ZNF114: variants seen among roughly 807,000 people sequenced by gnomAD.
ZNF114 encodes the protein zinc finger protein 114 (Y18).
In ZNF114, 8 loss-of-function variants were observed where a neutral mutation model predicts 6.8. That is an observed-to-expected ratio of 1.18 (90% CI 0.69 to 2.13). ZNF114 has a LOEUF of 2.13. Among genes scored for constraint, ZNF114 ranks in the 30% most tolerant of loss-of-function variants. The probability of loss-of-function intolerance (pLI) is 0.00; values close to 1 mark genes in which losing one functional copy is unlikely to be tolerated. For synonymous variants in ZNF114, 169 were observed against 185.5 expected (o/e 0.91, Z 0.72); for missense variants, 472 against 519.5 (o/e 0.91, Z 0.89).
rs926267801 is a variant in ZNF114 at position 48,287,156 on chromosome 19, C to G, written c.*278C>G. The G allele has an allele frequency of 1.7e-5, 4 of 239,196 alleles. No individual in the cohort carries two copies. Among genetic ancestry groups the G allele is most frequent in the African/African-American group, 9.1e-5 (4 of 43,964 alleles). 14.8% of individuals were successfully genotyped at this position (239,196 alleles called of 1,614,324 possible). ...TCAGCGTGGTCTCAAATTCATGGTT[C>G]ATACAAGAACTCACACTGCAGAGAC... On this transcript the variant is annotated 3_prime_UTR_variant, in exon 6 of 6. Transcript: ENST00000595607.
intron 3 of ZNF114, among the ~76,000 whole-genome samples, chr19:48,273,757 C>CTT (rs779316334): frequency 0.018 from 2,226 of 127,082 alleles, 58 homozygotes; most frequent in African/African-American, 0.054. Flanking sequence ...TGGGGCTTTT[C>CTT]TTTTTTTTTT....
chr19:48,287,045 A>G lies in ZNF114; in HGVS notation c.*167A>G. The G allele has an allele frequency of 1.5e-6, 1 of 664,544 alleles. No homozygotes were observed. The highest frequency in any genetic ancestry group is 2.3e-6 in the Non-Finnish European group (1 of 432,170). The allele number at this position is 664,544 out of a possible 1,614,324, so 41.2% of individuals were successfully genotyped here. The stretch of plus-strand genomic sequence containing the variant: ...CCCTGTGAAGGTAAAGTCTACAGAA[A>G]GCCTTTCATCTTCATTCATCTTGAG... On this transcript the variant is annotated 3_prime_UTR_variant, in exon 6 of 6. Transcript: ENST00000595607.
Position 48,286,469 on chromosome 19 carries a change from G to A in ZNF114, c.845G>A (p.Gly282Glu). Residue 282 changes from glycine to glutamate, a missense_variant, in exon 6 of 6, where the codon GGG becomes GAG. Gly to Glu is a moderately conservative substitution (Grantham distance 98). Coordinates refer to ENST00000595607, the MANE Select transcript of ZNF114 (RefSeq NM_153608.4). ...ACAAACAAGAAGGATTGTCAAACTG[G>A]GGCAACCTCTGCCAACGCTCCAAAT... The part of the protein sequence containing the change: ...AETNKKDCQT[G>E]ATSANAPNSG... The A allele has an allele frequency of 1.9e-6, 3 of 1,614,124 alleles. No individual in the cohort carries two copies. Among genetic ancestry groups the A allele is most frequent in the Non-Finnish European group, 1.7e-6 (2 of 1,180,014 alleles).
chr19:48,285,543 A>G (rs10417929), intron 5 of ZNF114, among the ~76,000 whole-genome samples: 1 of 147,076 alleles, frequency 6.8e-6, no homozygotes, highest in Admixed American at 7.0e-5. Flanking sequence ...GAGAGAGGAA[A>G]GAAGGAAGGA....
chr19:48,286,911 G>T lies in ZNF114; in HGVS notation c.*33G>T. The T allele has an allele frequency of 6.5e-7, 1 of 1,532,162 alleles. No homozygotes were observed. The highest frequency in any genetic ancestry group is 1.4e-5 in the South Asian group (1 of 73,898). The allele number at this position is 1,532,162 out of a possible 1,614,324, so 94.9% of individuals were successfully genotyped here. ...GTGGAAAATTTTTCATTAATTTTCTGACTGTACCAAACATGTGAGGAGGAC... is the reference window on the plus strand; with the variant it reads ...GTGGAAAATTTTTCATTAATTTTCTTACTGTACCAAACATGTGAGGAGGAC... On this transcript the variant is annotated 3_prime_UTR_variant, in exon 6 of 6. Coordinates refer to ENST00000595607, the MANE Select transcript of ZNF114 (RefSeq NM_153608.4).
chr19:48,281,302 T>G (rs1371463282), intron 4 of ZNF114, among the ~76,000 whole-genome samples: 1 of 152,106 alleles, frequency 6.6e-6, no homozygotes, highest in African/African-American at 2.4e-5. Flanking sequence ...AGGCTGGAAG[T>G]CCGAGATCAA....
intron 3 of ZNF114, among the ~76,000 whole-genome samples, chr19:48,278,918 G>C (rs1967919553): frequency 6.6e-6 from 1 of 151,820 alleles, no homozygotes; most frequent in African/African-American, 2.4e-5. Context: ...ACTCCAGCCT[G>C]GGCAACAGAG....
At chr19:48,276,432 C>T (rs1337351572) in intron 3 of ZNF114, among the ~76,000 whole-genome samples, 1 of 152,080 alleles carries the variant, frequency 6.6e-6, no homozygotes, top group Non-Finnish European at 1.5e-5. Context: ...CTGAGTGATG[C>T]CTCCGTACCC....
At chr19:48,277,251 G>C (rs1600839302) in intron 3 of ZNF114, among the ~76,000 whole-genome samples, 1 of 152,252 alleles carries the variant, frequency 6.6e-6, no homozygotes, top group East Asian at 1.9e-4. Flanking sequence ...GGGAAGCTGA[G>C]GCAGGAGAAT....
intron 3 of ZNF114, among the ~76,000 whole-genome samples, chr19:48,272,957 G>A (rs915689721): frequency 2.0e-5 from 3 of 151,832 alleles, no homozygotes; most frequent in Admixed American, 6.6e-5. Flanking sequence ...CACCGCGCCC[G>A]GCTAATTTTT....
Position 48,286,098 on chromosome 19 carries a change from C to T in ZNF114, c.474C>T (p.Phe158=), listed in dbSNP as rs768265909. 6.2e-7 allele frequency: 1 copy of T among 1,614,006 alleles called. No individual in the cohort carries two copies. The highest frequency in any genetic ancestry group is 8.5e-7 in the Non-Finnish European group (1 of 1,180,058). The part of the protein sequence containing the change: ...QCILTRDSSI[F]KYNPVLNDSQ... ...TCCTAACACGTGACTCAAGTATTTTCAAGTATAATCCTGTCTTAAACGATA... is the reference window on the plus strand; with the variant it reads ...TCCTAACACGTGACTCAAGTATTTTTAAGTATAATCCTGTCTTAAACGATA... The change falls in exon 6 of 6, where the codon TTC becomes TTT. Residue 158 remains phenylalanine (F), a synonymous_variant. Coordinates refer to ENST00000595607, the MANE Select transcript of ZNF114 (RefSeq NM_153608.4).
chr19:48,284,076 G>A (rs1015697476), intron 5 of ZNF114, among the ~76,000 whole-genome samples: 5 of 152,132 alleles, frequency 3.3e-5, no homozygotes, highest in African/African-American at 1.2e-4. Flanking sequence ...AATTGGAGAC[G>A]TTGATTGGTC....
intron 3 of ZNF114, among the ~76,000 whole-genome samples, chr19:48,278,445 T>C (rs1967904952): frequency 6.6e-6 from 1 of 152,216 alleles, no homozygotes; most frequent in Non-Finnish European, 1.5e-5. Context: ...CATTTCATTT[T>C]CAATGGGGTC....
rs1374668421 is a variant in ZNF114 at position 48,287,087 on chromosome 19, C to A, written c.*209C>A. 1.6e-5 allele frequency: 7 copies of A among 448,014 alleles called. No individual in the cohort carries two copies. Among genetic ancestry groups the A allele is most frequent in the Non-Finnish European group, 2.3e-5 (6 of 264,824 alleles). 27.8% of individuals were successfully genotyped at this position (448,014 alleles called of 1,614,324 possible). A position where few individuals can be genotyped will look rare whatever the true frequency, so the allele number is the denominator to read the frequency against. On this transcript the variant is annotated 3_prime_UTR_variant, in exon 6 of 6. Coordinates refer to ENST00000595607, the MANE Select transcript of ZNF114 (RefSeq NM_153608.4). ...CATCTTGAGTAGACATTTGTTCTCACCCTGGAGAGAAACTGCGAATCTAAA... is the reference window on the plus strand; with the variant it reads ...CATCTTGAGTAGACATTTGTTCTCAACCTGGAGAGAAACTGCGAATCTAAA...
chr19:48,272,956 C>T (rs1967714481), intron 3 of ZNF114, among the ~76,000 whole-genome samples: 2 of 151,932 alleles, frequency 1.3e-5, no homozygotes, highest in Admixed American at 6.6e-5. Context: ...CCACCGCGCC[C>T]GGCTAATTTT....
intron 4 of ZNF114, 99 bp from the exon 5 acceptor site, chr19:48,282,272 G>T: frequency 6.6e-7 from 1 of 1,522,100 alleles, no homozygotes; most frequent in Admixed American, 1.9e-5. Context: ...AGGTACCAAG[G>T]GTTAAGACCT....
chr19:48,273,913 A>G (rs1189024900), intron 3 of ZNF114, among the ~76,000 whole-genome samples: 4 of 151,030 alleles, frequency 2.6e-5, no homozygotes, highest in Non-Finnish European at 4.4e-5. Context: ...GCCCGCCACC[A>G]CGCCCGGCTA....
chr19:48,276,811 A>ACCCAG (rs753360621), intron 3 of ZNF114, among the ~76,000 whole-genome samples: 20 of 152,234 alleles, frequency 1.3e-4, no homozygotes, highest in Admixed American at 2.6e-4. Context: ...GGTGTGAACC[A>ACCCAG]CCCAGCCCAG....
At chr19:48,275,895 T>TG (rs1012204738) in intron 3 of ZNF114, among the ~76,000 whole-genome samples, 3 of 146,386 alleles carry the variant, frequency 2.0e-5, no homozygotes, top group African/African-American at 7.6e-5. Flanking sequence ...GGCAGGAGAA[T>TG]GGGGTGAACC....
Sources: allele counts gnomAD v4.1 joint callset (sites outside exome capture counted in the v4.1 genomes callset), GRCh38; gene constraint gnomAD v4.1.1; transcripts MANE v1.5; gene names NCBI Gene and HGNC (gene_info 2026-07-23, HGNC 2026-07-21).